Variants in NOTCH2 observed in about 807,000 individuals in gnomAD.
The protein encoded by NOTCH2 is neurogenic locus notch homolog protein 2.
NOTCH2 carries 29 observed loss-of-function variants against 235.8 expected under a neutral mutation model. That is an observed-to-expected ratio of 0.12 (90% CI 0.09 to 0.17). The LOEUF is 0.17. NOTCH2 is among the 10% of genes least tolerant of loss of function. The pLI is 1.00. For missense variants in NOTCH2, 2,285 were observed against 3,150.2 expected, an observed-to-expected ratio of 0.73 and a Z score of 6.57; for synonymous variants, 1,086 against 1,141.5, an observed-to-expected ratio of 0.95 and a Z score of 0.98.
intron 22 of NOTCH2, among the ~76,000 whole-genome samples, chr1:119,932,019 T>C (rs782603358): frequency 1.2e-4 from 18 of 148,110 alleles, no homozygotes; most frequent in Admixed American, 2.7e-4. Context: ...CATATATATA[T>C]ATATAAACAA....
chr1:119,981,059 C>T (rs1651793698), intron 5 of NOTCH2, among the ~76,000 whole-genome samples: 1 of 152,168 alleles, frequency 6.6e-6, no homozygotes, highest in Admixed American at 6.5e-5. Context: ...TCCATGGTAA[C>T]CCTGAGTCTC....
At chr1:120,038,775 C>A (rs1246667072) in intron 1 of NOTCH2, among the ~76,000 whole-genome samples, 1 of 148,452 alleles carries the variant, frequency 6.7e-6, no homozygotes, top group Non-Finnish European at 1.5e-5. Context: ...AGGCCTTTAA[C>A]AAGGATGAAA....
At chr1:119,965,990 G>A (rs894077624) in intron 9 of NOTCH2, among the ~76,000 whole-genome samples, 3 of 152,152 alleles carry the variant, frequency 2.0e-5, no homozygotes, top group Non-Finnish European at 4.4e-5. Context: ...GGCATGTGTT[G>A]TCTGTTTCTG....
intron 2 of NOTCH2, among the ~76,000 whole-genome samples, chr1:120,017,904 C>T (rs1401039151): frequency 2.0e-5 from 3 of 151,546 alleles, no homozygotes; most frequent in East Asian, 3.9e-4. Context: ...GGACCTGGAG[C>T]CCTGACTAAG....
Position 119,974,210 on chromosome 1 carries a change from T to C in NOTCH2, c.875-4466A>G, listed in dbSNP as rs782646868. ...AAGTGTCAGCATGTATCATCACCTG[T>C]GTCAACACACAAACTTTGCTGGTGA... On this transcript the variant is annotated intron_variant, in intron 5 of 33. Transcript: ENST00000256646. 3.2e-4 allele frequency among the ~76,000 whole-genome samples: 48 copies of C among 152,294 alleles called. No individual in the cohort carries two copies. The Middle Eastern group carries it at 0.01, about 32-fold the overall frequency.
rs1250071195 is a variant in NOTCH2 at position 119,922,228 on chromosome 1, CCT to C, written c.5213+6_5213+7del. ...TGTGAATAGTGGCTTATTGGCAATGCCTCTTACTTCAGCCCCACAGCATCCTG... is the reference window on the plus strand; with the variant it reads ...TGTGAATAGTGGCTTATTGGCAATGCCTTACTTCAGCCCCACAGCATCCTG... On this transcript the variant is annotated splice_donor_region_variant and intron_variant, in intron 28 of 33. Coordinates refer to ENST00000256646, the MANE Select transcript of NOTCH2 (RefSeq NM_024408.4). 6.2e-7 allele frequency: 1 copy of C among 1,613,236 alleles called. No individual in the cohort carries two copies. The highest frequency in any genetic ancestry group is 2.2e-5 in the East Asian group (1 of 44,890).
rs2101148214 is a variant in NOTCH2 at position 119,969,591 on chromosome 1, G to A, written c.1028C>T (p.Ala343Val). ...DDCSENIDDC[A>V]FASCTPGSTC... Reference sequence around the variant, plus strand: ...GGAGCCTGGAGTACAGGAGGCGAAGGCACAATCATCAATGTTCTCACTGCA... The same window carrying A: ...GGAGCCTGGAGTACAGGAGGCGAAGACACAATCATCAATGTTCTCACTGCA... Residue 343 changes from alanine (A) to valine (V), a missense_variant, in exon 6 of 34, where the codon GCC becomes GTC. This residue lies in a region of NOTCH2 where 431 missense variants were observed against 757.8 expected (regional missense o/e 0.57). Transcript: ENST00000256646. 1 of 1,614,000 alleles carries A rather than the reference G, an allele frequency of 6.2e-7. No individual in the cohort carries two copies. Among genetic ancestry groups the A allele is most frequent in the South Asian group, 1.1e-5 (1 of 91,082 alleles).
chr1:119,943,029 C>T (rs782377941), intron 17 of NOTCH2, among the ~76,000 whole-genome samples: 9 of 152,024 alleles, frequency 5.9e-5, no homozygotes, highest in Non-Finnish European at 1.0e-4. Flanking sequence ...CCTGCCACCA[C>T]GCCTGGCTAA....
intron 11 of NOTCH2, among the ~76,000 whole-genome samples, chr1:119,961,337 T>C (rs1650929309): frequency 6.6e-6 from 1 of 152,198 alleles, no homozygotes; most frequent in African/African-American, 2.4e-5. Context: ...CTGACAACCC[T>C]GCTTTACCCT....
rs1234226343 is a variant in NOTCH2, at chr1:119,927,194, A to G, written c.3893-583T>C. Among the ~76,000 whole-genome samples the G allele has an allele frequency of 2.6e-5, 4 of 152,318 alleles. No individual in the cohort carries two copies. The East Asian group carries it at 7.7e-4, about 29-fold the overall frequency. ...CTAAAACGGAAGGCCCCTGGGGGCC[A>G]CTGCTCCAAGATAAAGAACGAGGCA... On this transcript the variant is annotated intron_variant, in intron 23 of 33. Transcript: ENST00000256646.
In NOTCH2 at chr1:119,916,179, G is replaced by A. The variant is rs1457168283; in HGVS notation, c.6543C>T (p.Asn2181=). The A allele has an allele frequency of 5.6e-6, 9 of 1,614,132 alleles. No homozygotes were observed. Among genetic ancestry groups the A allele is most frequent in the African/African-American group, 5.3e-5 (4 of 74,948 alleles). Residue 2181 remains asparagine (N), a synonymous_variant, in exon 34 of 34, where the codon AAC becomes AAT. Coordinates refer to ENST00000256646, the MANE Select transcript of NOTCH2 (RefSeq NM_024408.4). ...GAGGGGCGGCAGTGGCCAACATAGG[G>A]TTGGGTGAGGCCTGTAAGATCCCAG... ...TSPGILQASP[N]PMLATAAPPA... is the part of the protein sequence containing the mutation.
intron 23 of NOTCH2, among the ~76,000 whole-genome samples, chr1:119,927,270 G>T (rs587659432): frequency 6.6e-6 from 1 of 152,354 alleles, no homozygotes; most frequent in South Asian, 2.1e-4. Context: ...CTGGCCAACA[G>T]CAGGAGATAG....
intron 10 of NOTCH2, among the ~76,000 whole-genome samples, chr1:119,965,197 C>T (rs931018747): frequency 7.2e-5 from 11 of 152,224 alleles, no homozygotes; most frequent in African/African-American, 2.7e-4. Flanking sequence ...TGGAAACTTA[C>T]TGCTGCCAAA....
intron 3 of NOTCH2, among the ~76,000 whole-genome samples, chr1:119,999,955 GAAAGAAAGAAAGAAAGAAAGA>G (rs1652663100): frequency 7.7e-6 from 1 of 129,448 alleles, no homozygotes; most frequent in Non-Finnish European, 1.6e-5. Context: ...AAGAAAGAAA[GAAAGAAAGAAAGAAAGAAAGA>G]AAGGAAGGAA....
chr1:119,955,123 G>T lies in NOTCH2; in HGVS notation c.2136C>A (p.Pro712=). ...CCTGTGAGTAGCAGCTGGGGTGATGGGGTCCCTCGGGGCATATACAGCGGA... is the reference window on the plus strand; with the variant it reads ...CCTGTGAGTAGCAGCTGGGGTGATGTGGTCCCTCGGGGCATATACAGCGGA... ...NGFRCICPEG[P]HHPSCYSQVN... Residue 712 remains proline, a synonymous_variant, in exon 13 of 34, where the codon CCC becomes CCA. Coordinates refer to ENST00000256646, the MANE Select transcript of NOTCH2 (RefSeq NM_024408.4). The T allele has an allele frequency of 6.2e-7, 1 of 1,614,112 alleles. No individual in the cohort carries two copies. Among genetic ancestry groups the T allele is most frequent in the South Asian group, 1.1e-5 (1 of 91,070 alleles).
At chr1:119,953,972 GAA>G (rs1650588265) in intron 13 of NOTCH2, among the ~76,000 whole-genome samples, 1 of 152,100 alleles carries the variant, frequency 6.6e-6, no homozygotes, top group Non-Finnish European at 1.5e-5. Context: ...CACTCTGAAG[GAA>G]ACAATATCAT....
At position 119,922,330 on chromosome 1, in the gene NOTCH2, C is replaced by T; in HGVS notation, c.5119G>A (p.Gly1707Ser). 6.2e-7 allele frequency: 1 copy of T among 1,614,124 alleles called. No homozygotes were observed. The highest frequency in any genetic ancestry group is 8.5e-7 in the Non-Finnish European group (1 of 1,180,024). ...VIMAKRKRKHGSLWLPEGFTL... is the reference protein window; with the variant it reads ...VIMAKRKRKHSSLWLPEGFTL... ...AAACCTTCAGGCAGCCAGAGAGAGC[C>T]ATGCTTACGCTTTCGTTTTGCCATG... Residue 1707 changes from glycine to serine, a missense_variant, in exon 28 of 34, where the codon GGC (glycine) becomes AGC (serine). Physicochemically the swap from Gly to Ser is moderately conservative, Grantham distance 56. Around this residue, in one of 6 missense-constraint regions of NOTCH2, gnomAD observed 1,173 missense variants for 1,515.3 expected, o/e 0.77. Coordinates refer to ENST00000256646, the MANE Select transcript of NOTCH2 (RefSeq NM_024408.4).
chr1:119,922,765 G>A lies in NOTCH2; in HGVS notation c.4873C>T (p.Leu1625=), dbSNP rs2101156470. 6.2e-7 allele frequency: 1 copy of A among 1,614,144 alleles called. No homozygotes were observed. The highest frequency in any genetic ancestry group is 8.5e-7 in the Non-Finnish European group (1 of 1,180,032). The part of the protein sequence containing the change: ...EQEVAGSKVF[L]EIDNRQCVQD... ...ACACACTGGCGGTTGTCAATTTCCA[G>A]AAAGACTTTAGAGCTGTGGGATGCC... Residue 1625 remains leucine, a synonymous_variant, in exon 27 of 34, where the codon CTG becomes TTG. Transcript: ENST00000256646.
chr1:119,968,654 A>G (rs1651244532), intron 6 of NOTCH2, among the ~76,000 whole-genome samples: 2 of 152,334 alleles, frequency 1.3e-5, no homozygotes, highest in Admixed American at 6.5e-5. Context: ...CCGGAATCCT[A>G]CTTCCCCAAT....
Sources: allele counts gnomAD v4.1 joint callset (sites outside exome capture counted in the v4.1 genomes callset), GRCh38; gene constraint gnomAD v4.1.1; regional missense constraint gnomAD v4.1.1; transcripts MANE v1.5; gene names NCBI Gene and HGNC (gene_info 2026-07-23, HGNC 2026-07-21).